Variants in ST3GAL1 observed in about 807,000 individuals in gnomAD.
ST3GAL1 encodes the protein ST3 beta-galactoside alpha-2,3-sialyltransferase 1.
ST3GAL1 carries 16 observed loss-of-function variants against 34.1 expected under a neutral mutation model. The ratio of observed to expected loss-of-function variants is 0.47; its 90% CI spans 0.32 to 0.71. The LOEUF (loss-of-function observed/expected upper bound fraction) is 0.71, where lower values mean the gene tolerates loss of function less well. Among genes scored for constraint, ST3GAL1 ranks in the 30% least tolerant of loss-of-function variants. ST3GAL1 has a pLI of 0.04. For synonymous variants in ST3GAL1, 191 were observed against 184.7 expected (o/e 1.03, Z -0.28); for missense variants, 353 against 447.4 (o/e 0.79, Z 1.90).
At chr8:133,534,299 T>A (rs1818242397) in intron 2 of ST3GAL1, among the ~76,000 whole-genome samples, 1 of 152,014 alleles carries the variant, frequency 6.6e-6, no homozygotes, top group Admixed American at 6.6e-5. Context: ...TTGAGCAAAA[T>A]GGTGAAGTGA....
chr8:133,542,139 C>A (rs2131068951), intron 2 of ST3GAL1, among the ~76,000 whole-genome samples: 1 of 152,212 alleles, frequency 6.6e-6, no homozygotes, highest in Non-Finnish European at 1.5e-5. Flanking sequence ...ACACACATCC[C>A]AGTTATGTCT....
chr8:133,486,024 G>A (rs959124933), intron 3 of ST3GAL1, among the ~76,000 whole-genome samples: 14 of 152,256 alleles, frequency 9.2e-5, no homozygotes, highest in South Asian at 8.3e-4. Flanking sequence ...GCACAATACC[G>A]GTGCACATTG....
rs756266134 is a variant in ST3GAL1, at chr8:133,469,672, A to G, written c.307-3582T>C. Among the ~76,000 whole-genome samples, 12 of 152,236 alleles carry G rather than the reference A, an allele frequency of 7.9e-5. No homozygotes were observed. Among genetic ancestry groups the G allele is most frequent in the Non-Finnish European group, 1.5e-4 (10 of 68,044 alleles). On this transcript the variant is annotated intron_variant, in intron 5 of 9. Coordinates refer to ENST00000522652, the MANE Select transcript of ST3GAL1 (RefSeq NM_173344.3). This position sits in a 1 kb window ranked among gnomAD's most constrained non-coding sequence, Gnocchi z 4.3. ...TGCAGCTCTACCCTGCTGCCTGCCC[A>G]GGCAAACTCTCCTCTCCCTTAGAAC... is the stretch of plus-strand genomic sequence containing the variant.
intron 2 of ST3GAL1, among the ~76,000 whole-genome samples, chr8:133,531,869 G>A (rs1360037993): frequency 1.4e-5 from 2 of 145,486 alleles, no homozygotes; most frequent in Admixed American, 7.0e-5. Flanking sequence ...ACTGCGGTTC[G>A]TAAAACTACG....
chr8:133,495,742 G>A (rs776454729), intron 3 of ST3GAL1, among the ~76,000 whole-genome samples: 5 of 152,166 alleles, frequency 3.3e-5, no homozygotes, highest in Non-Finnish European at 5.9e-5. Flanking sequence ...GTCCTATATC[G>A]TAACCCATAG....
chr8:133,461,312 C>G lies in ST3GAL1; in HGVS notation c.849+563G>C, dbSNP rs1815489975. On this transcript the variant is annotated intron_variant, in intron 9 of 9. Transcript: ENST00000522652. The surrounding 1 kb of genome is among the most constrained non-coding windows in gnomAD (Gnocchi z 4.7). ...GTGGCCTGCCCTCCTGCCCCTCTTC[C>G]TGGGGTGGCAGCAAACCTCTCAGAG... 6.6e-6 allele frequency among the ~76,000 whole-genome samples: 1 copy of G among 152,304 alleles called. No individual in the cohort carries two copies. The highest frequency in any genetic ancestry group is 1.5e-5 in the Non-Finnish European group (1 of 68,016).
chr8:133,514,354 C>G (rs1371225692), intron 2 of ST3GAL1, among the ~76,000 whole-genome samples: 1 of 152,188 alleles, frequency 6.6e-6, no homozygotes, highest in African/African-American at 2.4e-5. Flanking sequence ...ACTGCAGGAG[C>G]TCAGAATGGA....
In ST3GAL1 at chr8:133,552,565, G is replaced by T. The variant is rs187459207; in HGVS notation, c.-581-6639C>A. On this transcript the variant is annotated intron_variant, in intron 1 of 9. Coordinates refer to ENST00000522652, the MANE Select transcript of ST3GAL1 (RefSeq NM_173344.3). ...AAGCTCAGAGAGTGGGTCCCCTTTGGGTGCGGTGGCATCTCCCTCTGTGGA... is the reference window on the plus strand; with the variant it reads ...AAGCTCAGAGAGTGGGTCCCCTTTGTGTGCGGTGGCATCTCCCTCTGTGGA... Among the ~76,000 whole-genome samples, 403 of 152,268 alleles carry T rather than the reference G, an allele frequency of 2.6e-3. 3 individuals carry two copies. The highest frequency in any genetic ancestry group is 1.5e-3 in the East Asian group (8 of 5,172).
At chr8:133,538,751 G>A (rs76606756) in intron 2 of ST3GAL1, among the ~76,000 whole-genome samples, 2,534 of 152,256 alleles carry the variant, frequency 0.017, 72 homozygotes, top group African/African-American at 0.058. Flanking sequence ...TCCATTCTGC[G>A]GCTGTACTGG....
intron 8 of ST3GAL1, 97 bp from the exon 9 acceptor site, chr8:133,462,091 C>T: frequency 6.4e-7 from 1 of 1,560,032 alleles, no homozygotes; most frequent in Non-Finnish European, 8.7e-7. Context: ...CATGGAGGCA[C>T]AGCCATGAGC....
intron 2 of ST3GAL1, among the ~76,000 whole-genome samples, chr8:133,540,858 T>TATATATATAGAGACATATATATAGAGAC (rs1554618758): frequency 0.03 from 3,470 of 114,248 alleles, 418 homozygotes; most frequent in Admixed American, 0.045. Context: ...TATAGAGACA[T>TATATATATAGAGACATATATATAGAGAC]ATATATAGAG....
Position 133,542,947 on chromosome 8 carries a change from C to T in ST3GAL1, c.-429+2827G>A, listed in dbSNP as rs1586656595. 3.3e-5 allele frequency among the ~76,000 whole-genome samples: 5 copies of T among 152,150 alleles called. No individual in the cohort carries two copies. The South Asian group carries it at 1.0e-3, about 31-fold the overall frequency. ...CAAGAATCATCAAAAGATGCTAAAACTAATGACTGATAGACTGAGGACTAA... is the reference window on the plus strand; with the variant it reads ...CAAGAATCATCAAAAGATGCTAAAATTAATGACTGATAGACTGAGGACTAA... On this transcript the variant is annotated intron_variant, in intron 2 of 9. Transcript: ENST00000522652.
At chr8:133,520,238 TAGAG>T (rs1322114222) in intron 2 of ST3GAL1, among the ~76,000 whole-genome samples, 1 of 151,956 alleles carries the variant, frequency 6.6e-6, no homozygotes, top group African/African-American at 2.4e-5. Flanking sequence ...GGGAGGAACA[TAGAG>T]AGGCTGGAGC....
intron 1 of ST3GAL1, among the ~76,000 whole-genome samples, chr8:133,555,309 G>A (rs1017516975): frequency 2.6e-5 from 4 of 151,988 alleles, no homozygotes; most frequent in South Asian, 2.1e-4. Flanking sequence ...TGCTCCCCCT[G>A]CCGTTGTCAT....
chr8:133,513,812 T>C (rs771095162), intron 2 of ST3GAL1, among the ~76,000 whole-genome samples: 2 of 151,808 alleles, frequency 1.3e-5, no homozygotes, highest in Non-Finnish European at 2.9e-5. Context: ...GGGAGGAGAA[T>C]TGCTTGAACC....
intron 7 of ST3GAL1, among the ~76,000 whole-genome samples, 157 bp from the exon 8 acceptor site, chr8:133,463,616 C>T (rs562550788): frequency 2.2e-4 from 34 of 152,290 alleles, no homozygotes; most frequent in East Asian, 1.2e-3. Context: ...CTACCCCAGC[C>T]GGGTTTCTGC....
intron 1 of ST3GAL1, among the ~76,000 whole-genome samples, chr8:133,565,119 G>A (rs1190134554): frequency 6.6e-6 from 1 of 151,068 alleles, no homozygotes; most frequent in Non-Finnish European, 1.5e-5. Flanking sequence ...CCCAGCTGTT[G>A]CAGATTCAAA....
rs557862933 is a variant in ST3GAL1 at position 133,512,339 on chromosome 8, C to A, written c.-428-13150G>T. On this transcript the variant is annotated intron_variant, in intron 2 of 9. Transcript: ENST00000522652. ...ATCCAGCACAGGAGAAAGATGGAGG[C>A]CGGAAGACTCAGCCAGTCTACCAGT... is the stretch of plus-strand genomic sequence containing the variant. Among the ~76,000 whole-genome samples, 15 of 152,260 alleles carry A rather than the reference C, an allele frequency of 9.9e-5. 1 individual carries two copies. In the South Asian group the frequency reaches 3.1e-3, roughly 32 times the overall value.
At chr8:133,500,870 T>C (rs1338813909) in intron 2 of ST3GAL1, among the ~76,000 whole-genome samples, 1 of 152,196 alleles carries the variant, frequency 6.6e-6, no homozygotes, top group African/African-American at 2.4e-5. Flanking sequence ...GTTTCCCTGA[T>C]GAGGAAGTTG....
Sources: allele counts gnomAD v4.1 joint callset (sites outside exome capture counted in the v4.1 genomes callset), GRCh38; gene constraint gnomAD v4.1.1; non-coding constraint Gnocchi (gnomAD v3.1); transcripts MANE v1.5; gene names NCBI Gene and HGNC (gene_info 2026-07-23, HGNC 2026-07-21).